The following HHIPL1 variants were observed in gnomAD, a reference collection of about 807,000 sequenced individuals.
HHIPL1 encodes the protein HHIP-like protein 1.
Under a neutral mutation model 61.8 loss-of-function variants are expected in HHIPL1, and 43 were observed. That is an observed-to-expected ratio of 0.70 (90% CI 0.55 to 0.90). The LOEUF is 0.90. HHIPL1 is among the 40% of genes least tolerant of loss of function. HHIPL1 has a pLI of 0.00. For synonymous variants in HHIPL1, 482 were observed against 515.8 expected, an observed-to-expected ratio of 0.93 and a Z score of 0.89; for missense variants, 1,056 against 1,157.7, an observed-to-expected ratio of 0.91 and a Z score of 1.28.
the HHIPL1 span, among the ~76,000 whole-genome samples, chr14:99,616,795 A>T: frequency 6.6e-6 from 1 of 152,194 alleles, no homozygotes; most frequent in East Asian, 1.9e-4. Flanking sequence ...CAGAATGATC[A>T]ATTGCCTTTA....
In HHIPL1 at chr14:99,662,876, G is replaced by T. The variant is rs76299309; in HGVS notation, c.1503G>T (p.Gly501=). The T allele has an allele frequency of 1.4e-4, 217 of 1,586,834 alleles. No homozygotes were observed. The African/African-American group carries it at 2.5e-3, about 18-fold the overall frequency. The change falls in exon 6 of 9, where the codon GGG becomes GGT. Residue 501 remains glycine (G), a splice_region_variant and synonymous_variant. Coordinates refer to ENST00000330710, the MANE Select transcript of HHIPL1 (RefSeq NM_001127258.3). ...CCTCACAGCTCATCTTCCTTTGCAG[G>T]CGTCTGATGTCCCTCCAAGAGAACC... is the stretch of plus-strand genomic sequence containing the variant. ...GLYIFGDFMS[G]RLMSLQENPG...
chr14:99,609,155 C>G, the HHIPL1 span, among the ~76,000 whole-genome samples: 9 of 152,202 alleles, frequency 5.9e-5, no homozygotes, highest in African/African-American at 2.2e-4. Flanking sequence ...AGCTCTCCAG[C>G]TATTTCTACT....
intron 6 of HHIPL1, among the ~76,000 whole-genome samples, chr14:99,664,156 G>A (rs1008592419): frequency 1.5e-4 from 23 of 152,254 alleles, no homozygotes; most frequent in African/African-American, 5.3e-4. Flanking sequence ...AAGCCCAGGG[G>A]CCCCCAGTGG....
chr14:99,670,954 C>T (rs1055581848), intron 7 of HHIPL1, among the ~76,000 whole-genome samples: 6 of 152,178 alleles, frequency 3.9e-5, no homozygotes, highest in Non-Finnish European at 7.3e-5. Flanking sequence ...CCATCATCTT[C>T]GGTTTTTCCA....
chr14:99,628,121 G>A, the HHIPL1 span, among the ~76,000 whole-genome samples: 1 of 152,212 alleles, frequency 6.6e-6, no homozygotes, highest in Admixed American at 6.5e-5. Context: ...AGAGAGGTGA[G>A]ACCTGCCAAG....
chr14:99,605,583 C>T, the HHIPL1 span, among the ~76,000 whole-genome samples: 1 of 152,242 alleles, frequency 6.6e-6, no homozygotes, highest in East Asian at 1.9e-4. Context: ...CTGCAGGGCA[C>T]CGAACTGCCC....
the HHIPL1 span, among the ~76,000 whole-genome samples, chr14:99,619,154 A>G: frequency 6.6e-6 from 1 of 152,066 alleles, no homozygotes; most frequent in Non-Finnish European, 1.5e-5. Context: ...AGATGCCGCA[A>G]CTAAGACTTA....
the HHIPL1 span, among the ~76,000 whole-genome samples, chr14:99,615,706 AAAG>A: frequency 3.6e-4 from 55 of 151,984 alleles, no homozygotes; most frequent in African/African-American, 1.1e-3. Context: ...AGAAAGAAAG[AAAG>A]AAGGAAAGAA....
intron 6 of HHIPL1, among the ~76,000 whole-genome samples, chr14:99,663,941 G>A (rs533571830): frequency 3.9e-5 from 6 of 152,320 alleles, no homozygotes; most frequent in African/African-American, 1.2e-4. Context: ...AGCTCCTGAT[G>A]GCAAATGGAT....
chr14:99,643,126 C>T (rs752025858), upstream of HHIPL1, among the ~76,000 whole-genome samples: 19 of 152,086 alleles, frequency 1.2e-4, no homozygotes, highest in Non-Finnish European at 2.6e-4. Flanking sequence ...CTACAGCCTC[C>T]GCCTCCTGGG....
rs111585616 is a variant in HHIPL1 at position 99,663,597 on chromosome 14, C to G, written c.1648+576C>G. On this transcript the variant is annotated intron_variant, in intron 6 of 8. Coordinates refer to ENST00000330710, the MANE Select transcript of HHIPL1 (RefSeq NM_001127258.3). The stretch of plus-strand genomic sequence containing the variant: ...TCCTATCTCATCCTGTGACAGAATG[C>G]CTTAACTGTCTGGGAATGCAACCCA... 7.3e-3 allele frequency among the ~76,000 whole-genome samples: 1,106 copies of G among 152,288 alleles called. 7 individuals are homozygous for G. The highest frequency in any genetic ancestry group is 0.012 in the Non-Finnish European group (839 of 68,018).
intron 1 of HHIPL1, among the ~76,000 whole-genome samples, chr14:99,646,313 C>A (rs1322831556): frequency 3.9e-5 from 6 of 152,212 alleles, no homozygotes; most frequent in Non-Finnish European, 5.9e-5. Context: ...AGTGAGAGGC[C>A]TGGGGTGGAG....
At position 99,675,499 on chromosome 14, in the gene HHIPL1, A is replaced by C. The variant is rs745593543; in HGVS notation, c.2222A>C (p.Asp741Ala). 6.5e-7 allele frequency: 1 copy of C among 1,543,024 alleles called. No homozygotes were observed. Among genetic ancestry groups the C allele is most frequent in the South Asian group, 1.2e-5 (1 of 84,014 alleles). ...GGCGGCTCGCTGCCCATTCTGCTGG[A>C]CGATGTGCGCTGCGCGGGCTGGGAG... is the stretch of plus-strand genomic sequence containing the variant. The part of the protein sequence containing the change: ...GQGGSLPILL[D>A]DVRCAGWERN... The change falls in exon 9 of 9, where the codon GAC becomes GCC. Residue 741 changes from aspartate to alanine, a missense_variant. Coordinates refer to ENST00000330710, the MANE Select transcript of HHIPL1 (RefSeq NM_001127258.3). This position sits in a 1 kb window ranked among gnomAD's most constrained non-coding sequence, Gnocchi z 5.4.
the HHIPL1 span, among the ~76,000 whole-genome samples, chr14:99,604,999 C>T: frequency 6.6e-6 from 1 of 152,190 alleles, no homozygotes; most frequent in Non-Finnish European, 1.5e-5. Flanking sequence ...GGCGTCCGCG[C>T]CCCTGCAGGG....
chr14:99,669,092 C>A, intron 7 of HHIPL1: 1 of 1,425,522 alleles, frequency 7.0e-7, no homozygotes, highest in Non-Finnish European at 9.1e-7. Context: ...TCCAGCCCTT[C>A]CTCAGCTCTC....
the HHIPL1 span, among the ~76,000 whole-genome samples, chr14:99,615,604 G>T: frequency 7.2e-6 from 1 of 139,806 alleles, no homozygotes; most frequent in African/African-American, 2.7e-5. Flanking sequence ...GAGAGAGAGA[G>T]GAAAGGAAGG....
chr14:99,626,385 T>C, the HHIPL1 span, among the ~76,000 whole-genome samples: 10 of 152,308 alleles, frequency 6.6e-5, no homozygotes, highest in East Asian at 5.8e-4. Context: ...AGCTGGATCT[T>C]GTTCTGCTCT....
rs1292215600 is a variant in HHIPL1, at chr14:99,677,369, G to C, written c.*1743G>C. On this transcript the variant is annotated 3_prime_UTR_variant, in exon 9 of 9. Coordinates refer to ENST00000330710, the MANE Select transcript of HHIPL1 (RefSeq NM_001127258.3). The surrounding 1 kb of genome is among the most constrained non-coding windows in gnomAD (Gnocchi z 4.3). Reference sequence around the variant, plus strand: ...TGGTGTGGGAGTGCCAGCCTGGCTGGGAAGCAGCTGATGGAGATCCCTGGG... The same window carrying C: ...TGGTGTGGGAGTGCCAGCCTGGCTGCGAAGCAGCTGATGGAGATCCCTGGG... The C allele has an allele frequency of 6.6e-6, 1 of 152,306 alleles. No homozygotes were observed. The highest frequency in any genetic ancestry group is 1.9e-4 in the East Asian group (1 of 5,184). The allele number at this position is 152,306 out of a possible 1,614,324, so 9.4% of individuals were successfully genotyped here. A position where few individuals can be genotyped will look rare whatever the true frequency, so the allele number is the denominator to read the frequency against.
intron 2 of HHIPL1, among the ~76,000 whole-genome samples, chr14:99,655,396 A>G (rs2056011378): frequency 6.6e-6 from 1 of 152,118 alleles, no homozygotes; most frequent in African/African-American, 2.4e-5. Flanking sequence ...CCAAGCAAGG[A>G]GGATCGCTTG....
Sources: allele counts gnomAD v4.1 joint callset (sites outside exome capture counted in the v4.1 genomes callset), GRCh38; gene constraint gnomAD v4.1.1; non-coding constraint Gnocchi (gnomAD v3.1); transcripts MANE v1.5; gene names NCBI Gene and HGNC (gene_info 2026-07-23, HGNC 2026-07-21).